HIVEP2: variants seen among roughly 807,000 people sequenced by gnomAD.
The protein encoded by HIVEP2 is transcription factor HIVEP2.
A neutral mutation model predicts 180.7 loss-of-function variants in HIVEP2; 14 were observed. The ratio of observed to expected loss-of-function variants is 0.08; its 90% CI spans 0.05 to 0.12. HIVEP2 has a LOEUF of 0.12. HIVEP2 is among the 10% of genes least tolerant of loss of function. HIVEP2 has a pLI of 1.00. For missense variants in HIVEP2, 2,579 were observed against 3,008.5 expected (o/e 0.86, Z 3.34); for synonymous variants, 1,184 against 1,136.4 (o/e 1.04, Z -0.84).
intron 1 of HIVEP2, among the ~76,000 whole-genome samples, chr6:142,940,620 G>T (rs1211368583): frequency 6.6e-6 from 1 of 152,194 alleles, no homozygotes; most frequent in Non-Finnish European, 1.5e-5. Context: ...AGCCCCACTG[G>T]CTTGTTTTTA....
At chr6:142,896,394 C>T (rs73777821) in intron 1 of HIVEP2, among the ~76,000 whole-genome samples, 121 of 152,236 alleles carry the variant, frequency 7.9e-4, no homozygotes, top group African/African-American at 2.8e-3. Context: ...GTCCTTCATA[C>T]CCATCCTAAA....
chr6:142,773,155 C>G lies in HIVEP2; in HGVS notation c.1584G>C (p.Pro528=), dbSNP rs375645482. The G allele has an allele frequency of 1.7e-5, 28 of 1,614,046 alleles. No homozygotes were observed. Among genetic ancestry groups the G allele is most frequent in the Non-Finnish European group, 2.3e-5 (27 of 1,180,038 alleles). ...LYPANFQGSN[P]VLLEAPVDSS... ...AGTCTACAGGAGCTTCTAAGAGAAC[C>G]GGGTTGCTGCCTTGGAAGTTTGCTG... The change falls in exon 5 of 10, where the codon CCG becomes CCC. Residue 528 remains proline (P), a synonymous_variant. Coordinates refer to ENST00000367603, the MANE Select transcript of HIVEP2 (RefSeq NM_006734.4).
At chr6:142,784,735 C>A (rs1775941511) in intron 2 of HIVEP2, among the ~76,000 whole-genome samples, 1 of 152,154 alleles carries the variant, frequency 6.6e-6, no homozygotes, top group Non-Finnish European at 1.5e-5. Flanking sequence ...CAACCGTTTG[C>A]TGGCACTCAA....
chr6:142,909,264 G>A (rs1777342387), intron 1 of HIVEP2, among the ~76,000 whole-genome samples: 1 of 152,006 alleles, frequency 6.6e-6, no homozygotes, highest in Non-Finnish European at 1.5e-5. Context: ...CTTCAAATTG[G>A]TATACACAGA....
chr6:142,765,955 C>A (rs1424086621), intron 6 of HIVEP2, among the ~76,000 whole-genome samples: 15 of 152,246 alleles, frequency 9.9e-5, no homozygotes, highest in African/African-American at 3.6e-4. Flanking sequence ...GAAAGACGCT[C>A]CATTTGGGGA....
intron 1 of HIVEP2, among the ~76,000 whole-genome samples, chr6:142,921,429 G>C (rs1777680897): frequency 6.6e-6 from 1 of 152,206 alleles, no homozygotes; most frequent in Non-Finnish European, 1.5e-5. Context: ...CAGCTACTGG[G>C]GAGGCTGAGG....
intron 1 of HIVEP2, among the ~76,000 whole-genome samples, chr6:142,911,221 G>A (rs903773374): frequency 3.3e-5 from 5 of 151,344 alleles, no homozygotes; most frequent in Admixed American, 1.3e-4. Flanking sequence ...CAAACGTGCT[G>A]AGAGGGGCAG....
chr6:142,818,655 T>A (rs1270351419), intron 2 of HIVEP2, among the ~76,000 whole-genome samples: 1 of 102,410 alleles, frequency 9.8e-6, no homozygotes, highest in African/African-American at 3.9e-5. Flanking sequence ...GGGGACAGAG[T>A]AAAACTCTGT....
intron 1 of HIVEP2, among the ~76,000 whole-genome samples, chr6:142,855,946 CTA>C (rs1775808597): frequency 6.6e-6 from 1 of 152,148 alleles, no homozygotes; most frequent in Non-Finnish European, 1.5e-5. Flanking sequence ...GCTCACAGGG[CTA>C]TGTTTTCCCA....
intron 1 of HIVEP2, among the ~76,000 whole-genome samples, chr6:142,917,920 C>T (rs1157763019): frequency 1.3e-5 from 2 of 152,168 alleles, no homozygotes; most frequent in Non-Finnish European, 2.9e-5. Context: ...GGATTACAGG[C>T]ATGCACCACC....
At chr6:142,803,909 C>A (rs1046540380) in intron 2 of HIVEP2, among the ~76,000 whole-genome samples, 8 of 152,158 alleles carry the variant, frequency 5.3e-5, no homozygotes, top group Admixed American at 5.2e-4. Context: ...ACCAAATCAT[C>A]TCATTTTCAT....
In HIVEP2 at chr6:142,770,144, G is replaced by C; in HGVS notation, c.4595C>G (p.Ser1532Cys). 2 of 1,614,248 alleles carry C rather than the reference G, an allele frequency of 1.2e-6. No individual in the cohort carries two copies. The highest frequency in any genetic ancestry group is 1.7e-6 in the Non-Finnish European group (2 of 1,180,044). The change falls in exon 5 of 10, where the codon TCT becomes TGT. Residue 1532 changes from serine to cysteine, a missense_variant. Physicochemically the swap from Ser to Cys is moderately radical, Grantham distance 112 (BLOSUM62 -1). Transcript: ENST00000367603. The surrounding 1 kb of genome is among the most constrained non-coding windows in gnomAD (Gnocchi z 4.7). ...SSQDYPSVSP[S>C]SREPFLPSKE... Reference sequence around the variant, plus strand: ...GCTGGGCAGGAATGGCTCCCTGGAAGACGGGCTAACAGAAGGATAGTCTTG... The same window carrying C: ...GCTGGGCAGGAATGGCTCCCTGGAACACGGGCTAACAGAAGGATAGTCTTG...
chr6:142,926,160 T>C (rs1052126084), intron 1 of HIVEP2, among the ~76,000 whole-genome samples: 1 of 152,256 alleles, frequency 6.6e-6, no homozygotes, highest in African/African-American at 2.4e-5. Context: ...TTGGGTTAAC[T>C]TGCTTGTGTT....
intron 1 of HIVEP2, among the ~76,000 whole-genome samples, chr6:142,840,869 G>A (rs924222656): frequency 6.6e-6 from 1 of 152,094 alleles, no homozygotes; most frequent in African/African-American, 2.4e-5. Context: ...AGCAGTAGAT[G>A]TGCATTCTAC....
chr6:142,915,274 A>T (rs1031905444), intron 1 of HIVEP2, among the ~76,000 whole-genome samples: 1 of 152,202 alleles, frequency 6.6e-6, no homozygotes, highest in African/African-American at 2.4e-5. Flanking sequence ...TGCAGATGTA[A>T]TTAGTTAGGA....
At chr6:142,802,603 C>A (rs182632211) in intron 2 of HIVEP2, among the ~76,000 whole-genome samples, 20 of 152,100 alleles carry the variant, frequency 1.3e-4, no homozygotes, top group African/African-American at 4.6e-4. Context: ...TCACTGTTTG[C>A]CCTTCTATTC....
At chr6:142,842,613 G>A (rs1432790298) in intron 1 of HIVEP2, among the ~76,000 whole-genome samples, 2 of 152,164 alleles carry the variant, frequency 1.3e-5, no homozygotes, top group Admixed American at 6.6e-5. Flanking sequence ...CCACTTTCCT[G>A]AAGAACCACG....
intron 1 of HIVEP2, among the ~76,000 whole-genome samples, chr6:142,929,891 T>A (rs1232347724): frequency 2.0e-5 from 3 of 152,224 alleles, no homozygotes; most frequent in Non-Finnish European, 2.9e-5. Context: ...GTCTTTGATA[T>A]GGCCAGACTG....
At chr6:142,923,297 C>T (rs994069922) in intron 1 of HIVEP2, among the ~76,000 whole-genome samples, 14 of 151,482 alleles carry the variant, frequency 9.2e-5, no homozygotes, top group Non-Finnish European at 1.2e-4. Flanking sequence ...TGCCACTGTA[C>T]TCCAGCCTGG....
Sources: gnomAD v4.1 joint callset for allele counts (sites outside exome capture counted in the v4.1 genomes callset) on GRCh38, gnomAD v4.1.1 for gene constraint, Gnocchi (gnomAD v3.1) non-coding constraint, MANE v1.5 for transcripts, NCBI Gene and HGNC (gene_info 2026-07-23, HGNC 2026-07-21) for gene names.